ADGRB2: variants seen among roughly 807,000 people sequenced by gnomAD.
ADGRB2 encodes the protein brain-specific angiogenesis inhibitor 2.
In ADGRB2, 47 loss-of-function variants were observed where a neutral mutation model predicts 178.7. The ratio of observed to expected loss-of-function variants is 0.26; its 90% CI spans 0.21 to 0.34. ADGRB2 has a LOEUF of 0.34. Among genes scored for constraint, ADGRB2 ranks in the 10% least tolerant of loss-of-function variants. The pLI is 1.00. For missense variants in ADGRB2, 1,584 were observed against 2,180.8 expected (o/e 0.73, Z 5.45); for synonymous variants, 870 against 912.4 (o/e 0.95, Z 0.84).
At chr1:31,757,598 C>A in intron 1 of ADGRB2, 87 bp from the exon 2 acceptor site, 1 of 248,350 alleles carries the variant, frequency 4.0e-6, no homozygotes, top group African/African-American at 2.2e-5. Context: ...GTGGGTGACC[C>A]TCATGAGTCT....
intron 1 of ADGRB2, among the ~76,000 whole-genome samples, chr1:31,762,410 T>C (rs1647066004): frequency 6.6e-6 from 1 of 152,224 alleles, no homozygotes; most frequent in South Asian, 2.1e-4. Context: ...ACCGACTCCA[T>C]GCGCAAGCCA....
Position 31,759,322 on chromosome 1 carries a change from T to C in ADGRB2, c.-190-1811A>G. ...ACGCATTCTCGACTGAGAACACACATGAGTATCTGGCCCTCTGAGGCTCAG... is the reference window on the plus strand; with the variant it reads ...ACGCATTCTCGACTGAGAACACACACGAGTATCTGGCCCTCTGAGGCTCAG... On this transcript the variant is annotated intron_variant, in intron 1 of 32. Coordinates refer to ENST00000373658, the MANE Select transcript of ADGRB2 (RefSeq NM_001364857.2). The surrounding 1 kb of genome is among the most constrained non-coding windows in gnomAD (Gnocchi z 4.3). 2.6e-6 allele frequency: 2 copies of C among 779,630 alleles called. No individual in the cohort carries two copies. The highest frequency in any genetic ancestry group is 2.4e-5 in the East Asian group (1 of 41,252). 48.3% of individuals were successfully genotyped at this position (779,630 alleles called of 1,614,324 possible). A position where few individuals can be genotyped will look rare whatever the true frequency, so the allele number is the denominator to read the frequency against.
intron 6 of ADGRB2, chr1:31,743,749 G>T (rs1390807258): frequency 1.3e-5 from 2 of 158,024 alleles, no homozygotes; most frequent in Non-Finnish European, 1.4e-5. Flanking sequence ...TTGAGAGGGG[G>T]TGTCCAAAGG....
chr1:31,731,164 C>T lies in ADGRB2; in HGVS notation c.4016G>A (p.Trp1339Ter), dbSNP rs571400624. 6.3e-7 allele frequency: 1 copy of T among 1,598,594 alleles called. No homozygotes were observed. The highest frequency in any genetic ancestry group is 8.5e-7 in the Non-Finnish European group (1 of 1,173,248). The stretch of plus-strand genomic sequence containing the variant: ...AGAGCCTGGCTCAGTGGGCCGCAGC[C>T]ATGTGAGGTCCAGCTGCCGCAGGCC... ...EGGLRQLDLT[W>*]LRPTEPGSEG... The change falls in exon 29 of 33, where the codon TGG (tryptophan) becomes TAG (stop). Residue 1339 changes from tryptophan to a stop codon, truncating the protein, a stop_gained. Coordinates refer to ENST00000373658, the MANE Select transcript of ADGRB2 (RefSeq NM_001364857.2). LOFTEE classifies it high-confidence loss of function.
rs1645093009 is a variant in ADGRB2 at position 31,728,249 on chromosome 1, T to G, written c.4448A>C (p.Glu1483Ala). Residue 1483 changes from glutamate (E) to alanine (A), a missense_variant, in exon 31 of 33, where the codon GAA (glutamate) becomes GCA (alanine). Around this residue, in one of 3 missense-constraint regions of ADGRB2, gnomAD observed 865 missense variants for 1,192.8 expected, o/e 0.73. Coordinates refer to ENST00000373658, the MANE Select transcript of ADGRB2 (RefSeq NM_001364857.2). The surrounding 1 kb of genome is among the most constrained non-coding windows in gnomAD (Gnocchi z 6.7). Reference protein sequence around the residue: ...KVMHTRKRHSELYHELNQKFH... With the variant: ...KVMHTRKRHSALYHELNQKFH... ...CTTCTGGTTGAGCTCGTGGTAGAGTTCTGAATGCCGTTTCCGGGTGTGCAT... is the reference window on the plus strand; with the variant it reads ...CTTCTGGTTGAGCTCGTGGTAGAGTGCTGAATGCCGTTTCCGGGTGTGCAT... 6.2e-7 allele frequency: 1 copy of G among 1,614,050 alleles called. No homozygotes were observed. Among genetic ancestry groups the G allele is most frequent in the East Asian group, 2.2e-5 (1 of 44,862 alleles).
intron 16 of ADGRB2, 40 bp from the exon 17 acceptor site, chr1:31,738,670 G>A (rs1645763087): frequency 1.2e-6 from 2 of 1,610,966 alleles, no homozygotes; most frequent in Non-Finnish European, 1.7e-6. Flanking sequence ...AGGGAGGGAA[G>A]CTCACCACAC....
In ADGRB2 at chr1:31,740,880, T is replaced by C. The variant is rs1645906388; in HGVS notation, c.1795-339A>G. ...TACATTCTGGAGTGTAATGAGCATG[T>C]GTGTGGGCGCGCGCGCACACACACA... On this transcript the variant is annotated intron_variant, in intron 11 of 32. Transcript: ENST00000373658. The surrounding 1 kb of genome is among the most constrained non-coding windows in gnomAD (Gnocchi z 5.9). Among the ~76,000 whole-genome samples, 1 of 121,828 alleles carries C rather than the reference T, an allele frequency of 8.2e-6. No individual in the cohort carries two copies. The highest frequency in any genetic ancestry group is 8.4e-5 in the Admixed American group (1 of 11,860). The allele number at this position is 121,828 out of a possible 152,430, so 79.9% of individuals were successfully genotyped here. A position where few individuals can be genotyped will look rare whatever the true frequency, so the allele number is the denominator to read the frequency against.
chr1:31,748,792 T>G (rs1646409699), intron 4 of ADGRB2, among the ~76,000 whole-genome samples: 1 of 152,144 alleles, frequency 6.6e-6, no homozygotes, highest in African/African-American at 2.4e-5. Flanking sequence ...CTCATAACTA[T>G]TCTGTTCTGA....
At chr1:31,743,903 C>T (rs1646126759) in intron 6 of ADGRB2, among the ~76,000 whole-genome samples, 1 of 152,190 alleles carries the variant, frequency 6.6e-6, no homozygotes, top group Non-Finnish European at 1.5e-5. Flanking sequence ...ACTGATATGG[C>T]CAGAGCGGAG....
Position 31,753,068 on chromosome 1 carries a change from T to C in ADGRB2, c.838+2931A>G, listed in dbSNP as rs1320463685. On this transcript the variant is annotated intron_variant, in intron 4 of 32. Coordinates refer to ENST00000373658, the MANE Select transcript of ADGRB2 (RefSeq NM_001364857.2). This position sits in a 1 kb window ranked among gnomAD's most constrained non-coding sequence, Gnocchi z 4.1. ...TATCACTGGGCACAGCCATTCCCAC[T>C]GCCCAGTGCCTCCTCAGGATTAGAG... is the stretch of plus-strand genomic sequence containing the variant. Among the ~76,000 whole-genome samples, 1 of 152,148 alleles carries C rather than the reference T, an allele frequency of 6.6e-6. No individual in the cohort carries two copies. Among genetic ancestry groups the C allele is most frequent in the East Asian group, 1.9e-4 (1 of 5,180 alleles).
rs1489369784 is a variant in ADGRB2 at position 31,764,000 on chromosome 1, G to A, written c.-307C>T. The A allele has an allele frequency of 2.0e-6, 2 of 982,654 alleles. No individual in the cohort carries two copies. The highest frequency in any genetic ancestry group is 2.4e-6 in the Non-Finnish European group (2 of 829,014). 60.9% of individuals were successfully genotyped at this position (982,654 alleles called of 1,614,324 possible). On this transcript the variant is annotated 5_prime_UTR_variant, in exon 1 of 33. Transcript: ENST00000373658. ...GGGCGCAGGGTAGGTAGCTGCAGCC[G>A]CGCGGAGGGCCGAGGCTCCCGCTCT...
At chr1:31,763,500 G>C (rs1016540112) in intron 1 of ADGRB2, among the ~76,000 whole-genome samples, 12 of 139,574 alleles carry the variant, frequency 8.6e-5, no homozygotes, top group African/African-American at 3.1e-4. Context: ...CAGGTTAATG[G>C]GGGGGCTCTA....
intron 1 of ADGRB2, among the ~76,000 whole-genome samples, chr1:31,763,656 G>GC (rs566798335): frequency 4.2e-5 from 6 of 142,750 alleles, no homozygotes; most frequent in African/African-American, 1.5e-4. Flanking sequence ...GAGGGGGGGG[G>GC]CCGAGATTAG....
chr1:31,753,469 C>G lies in ADGRB2; in HGVS notation c.838+2530G>C, dbSNP rs530381848. ...TCTTCCGGTACCAGCCCAAGCCCAC[C>G]CTGCTAGGCCTCACTGTGGATCTTC... On this transcript the variant is annotated intron_variant, in intron 4 of 32. Transcript: ENST00000373658. The surrounding 1 kb of genome is among the most constrained non-coding windows in gnomAD (Gnocchi z 4.1). Among the ~76,000 whole-genome samples, 1 of 152,338 alleles carries G rather than the reference C, an allele frequency of 6.6e-6. No homozygotes were observed. Among genetic ancestry groups the G allele is most frequent in the Admixed American group, 6.5e-5 (1 of 15,310 alleles).
Position 31,740,176 on chromosome 1 carries a change from G to C in ADGRB2, c.1992C>G (p.Arg664=). ...CCATGAAGCTCACCACCTGGAAGAA[G>C]CGCTGAGGAGAGAGCAATGAGTGGC... is the stretch of plus-strand genomic sequence containing the variant. The part of the protein sequence containing the change: ...TYVPSADDVQ[R]FFQVVSFMVD... The change falls in exon 13 of 33, where the codon CGC becomes CGG. Residue 664 remains arginine, a splice_region_variant and synonymous_variant. Coordinates refer to ENST00000373658, the MANE Select transcript of ADGRB2 (RefSeq NM_001364857.2). The surrounding 1 kb of genome is among the most constrained non-coding windows in gnomAD (Gnocchi z 5.9). The C allele has an allele frequency of 6.2e-7, 1 of 1,614,084 alleles. No homozygotes were observed. Among genetic ancestry groups the C allele is most frequent in the Non-Finnish European group, 8.5e-7 (1 of 1,180,014 alleles).
chr1:31,737,122 C>G (rs988060869), intron 20 of ADGRB2, among the ~76,000 whole-genome samples: 4 of 152,144 alleles, frequency 2.6e-5, no homozygotes, highest in African/African-American at 9.7e-5. Context: ...CAAAAGGAGG[C>G]CTCACTCAGG....
chr1:31,739,817 G>A (rs759581959), intron 14 of ADGRB2, 109 bp downstream of exon 14: 2 of 1,232,166 alleles, frequency 1.6e-6, no homozygotes, highest in African/African-American at 1.5e-5. Flanking sequence ...ATGAAGGAGA[G>A]GGTAGAATGT....
chr1:31,746,519 C>A (rs933477576), intron 4 of ADGRB2, among the ~76,000 whole-genome samples: 1 of 152,304 alleles, frequency 6.6e-6, no homozygotes, highest in East Asian at 1.9e-4. Flanking sequence ...CCAACTGGCA[C>A]CATGACAGCT....
rs764976716 is a variant in ADGRB2 at position 31,756,065 on chromosome 1, G to A, written c.772C>T (p.Pro258Ser). ...GAGTGCAAATCGGCCTCAGCAGGTG[G>A]GGCTGGGCCCCCGGGCACCAGGGCA... is the stretch of plus-strand genomic sequence containing the variant. ...SNALVPGGPA[P>S]PAEADLHSGS... is the part of the protein sequence containing the mutation. Residue 258 changes from proline to serine, a missense_variant, in exon 4 of 33, where the codon CCA (proline) becomes TCA (serine). Physicochemically the swap from Pro to Ser is moderately conservative, Grantham distance 74. This residue lies in a region of ADGRB2 where 657 missense variants were observed against 847.6 expected (regional missense o/e 0.78). Transcript: ENST00000373658. The surrounding 1 kb of genome is among the most constrained non-coding windows in gnomAD (Gnocchi z 8.5). 111 of 1,613,972 alleles carry A rather than the reference G, an allele frequency of 6.9e-5. No homozygotes were observed. The Admixed American group carries it at 1.8e-3, about 26-fold the overall frequency.
Sources: gnomAD v4.1 joint callset for allele counts (sites outside exome capture counted in the v4.1 genomes callset) on GRCh38, gnomAD v4.1.1 for gene constraint, gnomAD v4.1.1 regional missense constraint, Gnocchi (gnomAD v3.1) non-coding constraint, MANE v1.5 for transcripts, NCBI Gene and HGNC (gene_info 2026-07-23, HGNC 2026-07-21) for gene names.